Variants in TYK2 observed in about 807,000 individuals in gnomAD.
The protein encoded by TYK2 is non-receptor tyrosine-protein kinase TYK2.
A neutral mutation model predicts 130.9 loss-of-function variants in TYK2; 65 were observed. That is an observed-to-expected ratio of 0.50 (90% confidence interval 0.41 to 0.61). TYK2 has a LOEUF of 0.61. TYK2 is among the 20% of genes least tolerant of loss of function. The pLI is 0.00. For synonymous variants in TYK2, 647 were observed against 658.9 expected (o/e 0.98, Z 0.28); for missense variants, 1,378 against 1,610.7 (o/e 0.86, Z 2.47).
chr19:10,370,191 A>G lies in TYK2; in HGVS notation c.194-1773T>C, dbSNP rs140505720. Reference sequence around the variant, plus strand: ...AGCGTGGCCAGCATGGTGAAATCCCATCTCTATTAAAAAAAAAAATAGCTG... The same window carrying G: ...AGCGTGGCCAGCATGGTGAAATCCCGTCTCTATTAAAAAAAAAAATAGCTG... On this transcript the variant is annotated intron_variant, in intron 3 of 24. Transcript: ENST00000525621. Among the ~76,000 whole-genome samples the G allele has an allele frequency of 7.9e-3, 1,177 of 149,568 alleles. 14 individuals are homozygous for G. The highest frequency in any genetic ancestry group is 0.027 in the African/African-American group (1,099 of 40,570).
intron 3 of TYK2, among the ~76,000 whole-genome samples, chr19:10,372,484 A>ATTTTTTTTTT (rs1170442654): frequency 2.1e-4 from 8 of 37,422 alleles, no homozygotes; most frequent in African/African-American, 4.0e-4. Context: ...ATATATATAT[A>ATTTTTTTTTT]TTTTTTTTTT....
In TYK2 at chr19:10,364,519, G is replaced by T. The variant is rs982742544; in HGVS notation, c.1367+95C>A. On this transcript the variant is annotated intron_variant, in intron 9 of 24. Transcript: ENST00000525621. The surrounding 1 kb of genome is among the most constrained non-coding windows in gnomAD (Gnocchi z 4.9). ...ACAAAAAATAAAAAAAAAATAAGAC[G>T]TGCACCTACACACACACCCTGCACA... 3.6e-6 allele frequency: 5 copies of T among 1,388,714 alleles called. No individual in the cohort carries two copies. Among genetic ancestry groups the T allele is most frequent in the Admixed American group, 1.8e-5 (1 of 54,426 alleles). The allele number at this position is 1,388,714 out of a possible 1,614,324, so 86.0% of individuals were successfully genotyped here.
At chr19:10,363,346 A>G (rs543548836) in intron 9 of TYK2, among the ~76,000 whole-genome samples, 2 of 151,564 alleles carry the variant, frequency 1.3e-5, no homozygotes, top group Non-Finnish European at 2.9e-5. Context: ...TGCCCAGCTA[A>G]TTTTTGTGTT....
At chr19:10,366,268 C>T (rs1272340038) in intron 6 of TYK2, 149 bp downstream of exon 6, 1 of 815,456 alleles carries the variant, frequency 1.2e-6, no homozygotes, top group Non-Finnish European at 1.9e-6. Flanking sequence ...GATTGCGCCA[C>T]TGTACTCCAG....
intron 3 of TYK2, among the ~76,000 whole-genome samples, chr19:10,377,665 T>TGG (rs527298192): frequency 9.0e-3 from 3 of 332 alleles, no homozygotes; most frequent in Non-Finnish European, 0.011. Context: ...AATGGGTGGG[T>TGG]ATGGATGGAT....
chr19:10,360,023 A>G (rs1056341179), intron 14 of TYK2, among the ~76,000 whole-genome samples: 1 of 151,342 alleles, frequency 6.6e-6, no homozygotes, highest in Admixed American at 6.6e-5. Flanking sequence ...AAAGAAGAAA[A>G]AAAAAAAAAT....
Position 10,353,226 on chromosome 19 carries a change from A to C in TYK2, c.3028-128T>G. On this transcript the variant is annotated intron_variant, in intron 21 of 24. Coordinates refer to ENST00000525621, the MANE Select transcript of TYK2 (RefSeq NM_003331.5). The surrounding 1 kb of genome is among the most constrained non-coding windows in gnomAD (Gnocchi z 6.9). ...GCCGGTGGCTACCCGGCCGCTGGAG[A>C]GGGCCGGATGGCACGTGGCACCAAG... The C allele has an allele frequency of 2.6e-6, 2 of 783,258 alleles. No homozygotes were observed. Among genetic ancestry groups the C allele is most frequent in the Non-Finnish European group, 3.8e-6 (2 of 532,592 alleles). 48.5% of individuals were successfully genotyped at this position (783,258 alleles called of 1,614,324 possible).
chr19:10,352,267 T>C lies in TYK2; in HGVS notation c.3318+167A>G, dbSNP rs2040845692. Among the ~76,000 whole-genome samples, 4 of 151,050 alleles carry C rather than the reference T, an allele frequency of 2.6e-5. No individual in the cohort carries two copies. The South Asian group carries it at 8.4e-4, about 32-fold the overall frequency. ...TTTTTGTATTTTTAGTAGAGACGGG[T>C]TTCACCGTGTTAGCCAGGTTGGTCT... On this transcript the variant is annotated intron_variant, in intron 23 of 24. Coordinates refer to ENST00000525621, the MANE Select transcript of TYK2 (RefSeq NM_003331.5).
intron 23 of TYK2, chr19:10,351,616 G>A (rs1331870367): frequency 2.1e-5 from 5 of 236,104 alleles, no homozygotes; most frequent in Admixed American, 5.2e-5. Context: ...TTTCTCATCC[G>A]TAAAATAGGG....
intron 2 of TYK2, among the ~76,000 whole-genome samples, chr19:10,378,893 A>T (rs895932609): frequency 6.7e-6 from 1 of 148,942 alleles, no homozygotes; most frequent in East Asian, 1.9e-4. Flanking sequence ...TTTGAGACAG[A>T]GTTTCACTCT....
At position 10,353,141 on chromosome 19, in the gene TYK2, T is replaced by C. The variant is rs1222121680; in HGVS notation, c.3028-43A>G. 1.1e-5 allele frequency: 16 copies of C among 1,442,466 alleles called. No individual in the cohort carries two copies. In the Admixed American group the frequency reaches 3.4e-4, roughly 31 times the overall value. The allele number at this position is 1,442,466 out of a possible 1,614,324, so 89.4% of individuals were successfully genotyped here. A position where few individuals can be genotyped will look rare whatever the true frequency, so the allele number is the denominator to read the frequency against. ...CTCGTGAGTTTCAGTGGGGCGGGGT[T>C]CGGCCGGGGGCGGCGGCAGGACCTG... is the stretch of plus-strand genomic sequence containing the variant. On this transcript the variant is annotated intron_variant, in intron 21 of 24. Transcript: ENST00000525621. This position sits in a 1 kb window ranked among gnomAD's most constrained non-coding sequence, Gnocchi z 6.9.
rs1377014599 is a variant in TYK2, at chr19:10,356,605, G to A, written c.2580C>T (p.Arg860=). ...GCCGGGTGAGGTCACGCAGGATGGT[G>A]CGGAATGATGGCCTCTGGGTTGGCT... is the stretch of plus-strand genomic sequence containing the variant. ...TYEPTQRPSF[R]TILRDLTRLQ... is the part of the protein sequence containing the mutation. The change falls in exon 18 of 25, where the codon CGC becomes CGT. Residue 860 remains arginine (R), a synonymous_variant. Coordinates refer to ENST00000525621, the MANE Select transcript of TYK2 (RefSeq NM_003331.5). 1.9e-6 allele frequency: 3 copies of A among 1,613,654 alleles called. No homozygotes were observed. Among genetic ancestry groups the A allele is most frequent in the Non-Finnish European group, 2.5e-6 (3 of 1,180,028 alleles).
At position 10,364,527 on chromosome 19, in the gene TYK2, A is replaced by T; in HGVS notation, c.1367+87T>A. ...TAAAAAAAAAATAAGACGTGCACCT[A>T]CACACACACCCTGCACAGCCCCTAG... On this transcript the variant is annotated intron_variant, in intron 9 of 24. Transcript: ENST00000525621. The surrounding 1 kb of genome is among the most constrained non-coding windows in gnomAD (Gnocchi z 4.9). The T allele has an allele frequency of 6.9e-7, 1 of 1,452,538 alleles. No homozygotes were observed. The highest frequency in any genetic ancestry group is 1.4e-5 in the African/African-American group (1 of 71,328). 90.0% of individuals were successfully genotyped at this position (1,452,538 alleles called of 1,614,324 possible). A position where few individuals can be genotyped will look rare whatever the true frequency, so the allele number is the denominator to read the frequency against.
rs549029413 is a variant in TYK2 at position 10,372,018 on chromosome 19, T to C, written c.194-3600A>G. Among the ~76,000 whole-genome samples, 121 of 150,654 alleles carry C rather than the reference T, an allele frequency of 8.0e-4. 1 individual carries two copies. Among genetic ancestry groups the C allele is most frequent in the African/African-American group, 2.9e-3 (119 of 40,922 alleles). On this transcript the variant is annotated intron_variant, in intron 3 of 24. Coordinates refer to ENST00000525621, the MANE Select transcript of TYK2 (RefSeq NM_003331.5). ...TTTTGTTTTTTTTTTTGAGACGGAG[T>C]CTCGATCTGTCGCCCAGGCTGGAGT...
chr19:10,363,171 C>T (rs902746346), intron 9 of TYK2, among the ~76,000 whole-genome samples: 5 of 150,944 alleles, frequency 3.3e-5, no homozygotes, highest in Admixed American at 2.6e-4. Flanking sequence ...CCACTGTGCC[C>T]GGCTACCTGA....
rs1285966606 is a variant in TYK2 at position 10,362,144 on chromosome 19, G to T, written c.1707C>A (p.Ala569=). ...SNLIIMRGAR[A]SPRTLNLSQL... ...GGCTGAGGTTGAGTGTCCTGGGGCT[G>T]GCCCGAGCCCCCCGCATGATGATGA... The change falls in exon 12 of 25, where the codon GCC becomes GCA. Residue 569 remains alanine (A), a synonymous_variant. Transcript: ENST00000525621. 1 of 1,613,962 alleles carries T rather than the reference G, an allele frequency of 6.2e-7. No homozygotes were observed. The highest frequency in any genetic ancestry group is 8.5e-7 in the Non-Finnish European group (1 of 1,180,034).
Position 10,364,624 on chromosome 19 carries a change from C to T in TYK2, c.1357G>A (p.Gly453Arg), listed in dbSNP as rs768383720. The change falls in exon 9 of 25, where the codon GGA (glycine) becomes AGA (arginine). Residue 453 changes from glycine to arginine, a missense_variant. By Grantham distance (125) the Gly-to-Arg change is moderately radical (BLOSUM62 -2). Transcript: ENST00000525621. The surrounding 1 kb of genome is among the most constrained non-coding windows in gnomAD (Gnocchi z 4.9). ...CCACCCAGCACTCACAGCAGGGGTC[C>T]GTGGATCCCATCCCGGATGCTCATC... The part of the protein sequence containing the change: ...LVMSIRDGIH[G>R]PLLEPFVQAK... 2 of 1,613,730 alleles carry T rather than the reference C, an allele frequency of 1.2e-6. No homozygotes were observed. Among genetic ancestry groups the T allele is most frequent in the Non-Finnish European group, 1.7e-6 (2 of 1,179,974 alleles).
Position 10,364,560 on chromosome 19 carries a change from A to T in TYK2, c.1367+54T>A. The T allele has an allele frequency of 6.2e-7, 1 of 1,602,500 alleles. No homozygotes were observed. The highest frequency in any genetic ancestry group is 8.5e-7 in the Non-Finnish European group (1 of 1,171,226). On this transcript the variant is annotated intron_variant, in intron 9 of 24. Transcript: ENST00000525621. The surrounding 1 kb of genome is among the most constrained non-coding windows in gnomAD (Gnocchi z 4.9). ...ACCCTGCACAGCCCCTAGGGCTCAC[A>T]GTCTAGTTGGCACCCTTGGCGGTGG... is the stretch of plus-strand genomic sequence containing the variant.
At chr19:10,374,745 T>C (rs2042052447) in intron 3 of TYK2, among the ~76,000 whole-genome samples, 1 of 151,022 alleles carries the variant, frequency 6.6e-6, no homozygotes, top group East Asian at 1.9e-4. Flanking sequence ...TAGCTGGGCG[T>C]GGTGGCAGGC....
Sources: allele counts gnomAD v4.1 joint callset (sites outside exome capture counted in the v4.1 genomes callset), GRCh38; gene constraint gnomAD v4.1.1; non-coding constraint Gnocchi (gnomAD v3.1); transcripts MANE v1.5; gene names NCBI Gene and HGNC (gene_info 2026-07-23, HGNC 2026-07-21).